PRDM2: variants seen among roughly 807,000 people sequenced by gnomAD.
The protein encoded by PRDM2 is PR domain zinc finger protein 2.
Under a neutral mutation model 130.0 loss-of-function variants are expected in PRDM2, and 30 were observed. The ratio of observed to expected loss-of-function variants is 0.23; its 90% CI spans 0.17 to 0.31. The LOEUF (loss-of-function observed/expected upper bound fraction) is 0.31, where lower values mean the gene tolerates loss of function less well. Among genes scored for constraint, PRDM2 ranks in the 10% least tolerant of loss-of-function variants. PRDM2 has a pLI of 1.00. For missense variants in PRDM2, 2,011 were observed against 2,108.4 expected (o/e 0.95, Z 0.90); for synonymous variants, 871 against 782.4 (o/e 1.11, Z -1.89).
chr1:13,744,969 C>A (rs1643559820), intron 5 of PRDM2, among the ~76,000 whole-genome samples: 1 of 152,178 alleles, frequency 6.6e-6, no homozygotes, highest in African/African-American at 2.4e-5. Flanking sequence ...AATCTCAACA[C>A]TGGTTTTGTT....
intron 8 of PRDM2, among the ~76,000 whole-genome samples, chr1:13,801,345 G>C (rs1022217763): frequency 5.3e-5 from 8 of 152,252 alleles, no homozygotes; most frequent in African/African-American, 1.9e-4. Context: ...CTGGCAGAGT[G>C]AGCGGTCAGT....
Position 13,778,810 on chromosome 1 carries a change from C to T in PRDM2, c.1015C>T (p.Pro339Ser). The T allele has an allele frequency of 1.2e-6, 2 of 1,614,136 alleles. No homozygotes were observed. The highest frequency in any genetic ancestry group is 1.7e-6 in the Non-Finnish European group (2 of 1,180,026). Reference protein sequence around the residue: ...ETLEDCSEVTPAMQIPRTKEE... With the variant: ...ETLEDCSEVTSAMQIPRTKEE... The stretch of plus-strand genomic sequence containing the variant: ...TCTTGAAGACTGCTCAGAGGTAACA[C>T]CTGCCATGCAAATCCCCAGAACTAA... The change falls in exon 8 of 10, where the codon CCT becomes TCT. Residue 339 changes from proline to serine, a missense_variant. Coordinates refer to ENST00000311066, the MANE Select transcript of PRDM2 (RefSeq NM_001393986.1).
Position 13,749,363 on chromosome 1 carries a change from A to T in PRDM2, c.387A>T (p.Pro129=). 5 of 1,457,234 alleles carry T rather than the reference A, an allele frequency of 3.4e-6. No individual in the cohort carries two copies. The highest frequency in any genetic ancestry group is 4.6e-6 in the Non-Finnish European group (5 of 1,086,780). 90.3% of individuals were successfully genotyped at this position (1,457,234 alleles called of 1,614,324 possible). A position where few individuals can be genotyped will look rare whatever the true frequency, so the allele number is the denominator to read the frequency against. The change falls in exon 6 of 10, where the codon CCA becomes CCT. Residue 129 remains proline (P), a splice_region_variant and synonymous_variant. Coordinates refer to ENST00000311066, the MANE Select transcript of PRDM2 (RefSeq NM_001393986.1). ...GCTTGTCTCTTCTCTCCCCGCAGCC[A>T]ATCGCGCCGGGCGAGGAGCTCCTGG... ...NRAIYYKTLK[P]IAPGEELLVW...
At chr1:13,710,785 C>T (rs1359547248) in intron 1 of PRDM2, among the ~76,000 whole-genome samples, 2 of 152,142 alleles carry the variant, frequency 1.3e-5, no homozygotes, top group Non-Finnish European at 2.9e-5. Flanking sequence ...AATTGTTTAG[C>T]ACTTCAAAAA....
At chr1:13,799,018 G>A (rs1011092546) in intron 8 of PRDM2, among the ~76,000 whole-genome samples, 2 of 152,176 alleles carry the variant, frequency 1.3e-5, no homozygotes, top group Non-Finnish European at 2.9e-5. Flanking sequence ...CAGAGCTGCT[G>A]GGTAATGTGA....
chr1:13,779,546 A>G lies in PRDM2; in HGVS notation c.1751A>G (p.Asp584Gly), dbSNP rs1453503009. ...IQTNNNTSNC[D>G]VIEMESASAD... Reference sequence around the variant, plus strand: ...ACTAATAACAACACTAGTAACTGTGATGTGATTGAGATGGAGTCTGCTTCG... The same window carrying G: ...ACTAATAACAACACTAGTAACTGTGGTGTGATTGAGATGGAGTCTGCTTCG... Residue 584 changes from aspartate to glycine, a missense_variant, in exon 8 of 10, where the codon GAT (aspartate) becomes GGT (glycine). Asp to Gly is a moderately conservative substitution (Grantham distance 94, BLOSUM62 -1). Around this residue, in one of 5 missense-constraint regions of PRDM2, gnomAD observed 1,288 missense variants for 1,237.7 expected, o/e 1.04. Coordinates refer to ENST00000311066, the MANE Select transcript of PRDM2 (RefSeq NM_001393986.1). This position sits in a 1 kb window ranked among gnomAD's most constrained non-coding sequence, Gnocchi z 4.9. The G allele has an allele frequency of 6.2e-7, 1 of 1,614,012 alleles. No individual in the cohort carries two copies. Among genetic ancestry groups the G allele is most frequent in the Admixed American group, 1.7e-5 (1 of 60,026 alleles).
At chr1:13,773,212 T>C (rs775992191) in intron 7 of PRDM2, 24 bp downstream of exon 7, 38 of 1,430,776 alleles carry the variant, frequency 2.7e-5, no homozygotes, top group Non-Finnish European at 3.5e-5. Flanking sequence ...ATTGGCTTGG[T>C]CTGAATTGGG....
chr1:13,779,182 G>C lies in PRDM2; in HGVS notation c.1387G>C (p.Ala463Pro), dbSNP rs143566559. Residue 463 changes from alanine to proline, a missense_variant, in exon 8 of 10, where the codon GCT (alanine) becomes CCT (proline). Coordinates refer to ENST00000311066, the MANE Select transcript of PRDM2 (RefSeq NM_001393986.1). The surrounding 1 kb of genome is among the most constrained non-coding windows in gnomAD (Gnocchi z 4.9). ...CTGTCTGATCATGAATTCAGAGAAG[G>C]CTTCCCAAGACACAATAAATTCTTC... is the stretch of plus-strand genomic sequence containing the variant. ...PDCLIMNSEK[A>P]SQDTINSSVV... is the part of the protein sequence containing the mutation. 2 of 1,614,202 alleles carry C rather than the reference G, an allele frequency of 1.2e-6. No individual in the cohort carries two copies. Among genetic ancestry groups the C allele is most frequent in the South Asian group, 2.2e-5 (2 of 91,072 alleles).
At chr1:13,769,033 A>G (rs775882987) in intron 6 of PRDM2, 1 of 640,302 alleles carries the variant, frequency 1.6e-6, no homozygotes, top group Non-Finnish European at 1.9e-6. Context: ...TTCCTCATGC[A>G]CATAGTGTTG....
At chr1:13,757,804 T>G (rs546986430) in intron 6 of PRDM2, among the ~76,000 whole-genome samples, 1 of 149,960 alleles carries the variant, frequency 6.7e-6, no homozygotes, top group African/African-American at 2.5e-5. Flanking sequence ...TTTTTTTAAC[T>G]TTCATTTAAG....
intron 2 of PRDM2, 48 bp downstream of exon 2, chr1:13,715,662 G>A (rs747255711): frequency 6.6e-7 from 1 of 1,507,754 alleles, no homozygotes; most frequent in Non-Finnish European, 8.9e-7. Flanking sequence ...CTAGATGTTA[G>A]ACCAGCTCTT....
At chr1:13,759,883 T>A (rs1051608168) in intron 6 of PRDM2, among the ~76,000 whole-genome samples, 12 of 152,318 alleles carry the variant, frequency 7.9e-5, no homozygotes, top group Middle Eastern at 3.4e-3. Context: ...TCATATGTTG[T>A]CAGTGGTCTC....
In PRDM2 at chr1:13,730,999, G is replaced by GA; in HGVS notation, c.11dup (p.Asn4LysfsTer4). On this transcript the variant is annotated frameshift_variant and splice_region_variant. Coordinates refer to ENST00000311066, the MANE Select transcript of PRDM2 (RefSeq NM_001393986.1). LOFTEE classifies it high-confidence loss of function. ...TGATCCTTCCATTTCTTGACTTGCA[G>GA]AACACTACTGAGCCTGTGGCGGCCA... 6.3e-7 allele frequency: 1 copy of GA among 1,592,046 alleles called. No homozygotes were observed. Among genetic ancestry groups the GA allele is most frequent in the Non-Finnish European group, 8.5e-7 (1 of 1,171,194 alleles).
intron 8 of PRDM2, among the ~76,000 whole-genome samples, chr1:13,796,603 AAAG>A (rs1166237196): frequency 6.6e-6 from 1 of 152,126 alleles, no homozygotes; most frequent in Non-Finnish European, 1.5e-5. Context: ...AAGAAATAAA[AAAG>A]CCAGGTACAG....
chr1:13,777,075 C>T (rs924832600), intron 7 of PRDM2, among the ~76,000 whole-genome samples: 33 of 152,312 alleles, frequency 2.2e-4, no homozygotes, highest in African/African-American at 7.5e-4. Context: ...CCCCACAACA[C>T]GCACATGCAC....
At chr1:13,810,614 C>A (rs1489280274) in intron 8 of PRDM2, among the ~76,000 whole-genome samples, 1 of 151,986 alleles carries the variant, frequency 6.6e-6, no homozygotes, top group Non-Finnish European at 1.5e-5. Context: ...CCTGCCTCAG[C>A]CTCCCAAGTA....
intron 8 of PRDM2, among the ~76,000 whole-genome samples, chr1:13,815,643 C>A (rs1461016298): frequency 6.6e-6 from 1 of 152,068 alleles, no homozygotes; most frequent in Non-Finnish European, 1.5e-5. Flanking sequence ...AAGAGAAGTA[C>A]GAGTTAGCTG....
chr1:13,782,707 A>G lies in PRDM2; in HGVS notation c.4912A>G (p.Asn1638Asp). ...LASKKRTDRFNIKSRERSGGP... is the reference protein window; with the variant it reads ...LASKKRTDRFDIKSRERSGGP... ...GAGTAAGAAAAGAACAGACCGGTTC[A>G]ATATAAAATCTAGAGAGCGGAGTGG... The change falls in exon 8 of 10, where the codon AAT becomes GAT. Residue 1638 changes from asparagine to aspartate, a missense_variant. Coordinates refer to ENST00000311066, the MANE Select transcript of PRDM2 (RefSeq NM_001393986.1). 6.2e-7 allele frequency: 1 copy of G among 1,614,008 alleles called. No homozygotes were observed. Among genetic ancestry groups the G allele is most frequent in the East Asian group, 2.2e-5 (1 of 44,884 alleles).
chr1:13,750,219 C>T (rs1436446498), intron 6 of PRDM2, among the ~76,000 whole-genome samples: 8 of 150,412 alleles, frequency 5.3e-5, no homozygotes, highest in Admixed American at 4.0e-4. Flanking sequence ...GTTTGGTTGG[C>T]TGTATCATAT....
Sources: gnomAD v4.1 joint callset for allele counts (sites outside exome capture counted in the v4.1 genomes callset) on GRCh38, gnomAD v4.1.1 for gene constraint, gnomAD v4.1.1 regional missense constraint, Gnocchi (gnomAD v3.1) non-coding constraint, MANE v1.5 for transcripts, NCBI Gene and HGNC (gene_info 2026-07-23, HGNC 2026-07-21) for gene names.